Variants in HIVEP3 observed in about 807,000 individuals in gnomAD.
HIVEP3 encodes the protein transcription factor HIVEP3.
HIVEP3 carries 49 observed loss-of-function variants against 152.8 expected under a neutral mutation model. That is an observed-to-expected ratio of 0.32 (90% confidence interval 0.26 to 0.41). The LOEUF is 0.41. Among genes scored for constraint, HIVEP3 ranks in the 10% least tolerant of loss-of-function variants. The pLI is 1.00. For missense variants in HIVEP3, 2,790 were observed against 3,103.3 expected (o/e 0.90, Z 2.40); for synonymous variants, 1,269 against 1,289.0 (o/e 0.98, Z 0.33).
chr1:41,957,255 A>G (rs191954825), intron 1 of HIVEP3, among the ~76,000 whole-genome samples: 1 of 152,338 alleles, frequency 6.6e-6, no homozygotes. Flanking sequence ...TACAAATAAA[A>G]CTTCATTTTA....
intron 5 of HIVEP3, among the ~76,000 whole-genome samples, chr1:41,573,287 C>T (rs1644278324): frequency 6.6e-6 from 1 of 152,186 alleles, no homozygotes; most frequent in South Asian, 2.1e-4. Flanking sequence ...AATGGAAGGT[C>T]AGCATCTCTG....
intron 1 of HIVEP3, among the ~76,000 whole-genome samples, chr1:41,720,184 G>C (rs1368815799): frequency 6.6e-6 from 1 of 152,158 alleles, no homozygotes; most frequent in African/African-American, 2.4e-5. Flanking sequence ...AGAGCAGGCA[G>C]GAAATTCCAT....
intron 1 of HIVEP3, among the ~76,000 whole-genome samples, chr1:41,805,269 G>A (rs549623671): frequency 8.5e-5 from 13 of 152,250 alleles, no homozygotes; most frequent in South Asian, 2.1e-4. Context: ...CCCAGGAGGC[G>A]GAAGTTGCCA....
At chr1:41,841,063 G>C (rs955702449) in intron 1 of HIVEP3, among the ~76,000 whole-genome samples, 13 of 152,152 alleles carry the variant, frequency 8.5e-5, no homozygotes, top group African/African-American at 3.1e-4. Context: ...ATTAGTGGCA[G>C]TATTGGTGCA....
chr1:42,031,927 G>A (rs940616412), intron 1 of HIVEP3, among the ~76,000 whole-genome samples: 1 of 152,084 alleles, frequency 6.6e-6, no homozygotes, highest in African/African-American at 2.4e-5. Flanking sequence ...AAATTATCCT[G>A]TTTTCCAGTC....
At position 41,595,165 on chromosome 1, in the gene HIVEP3, T is replaced by C. The variant is rs140660188; in HGVS notation, c.-521-9847A>G. ...CTTTTCTACTGGCATTTGGGGAAGCTGATGAAATTCCTCCAACTGCCTCCT... is the reference window on the plus strand; with the variant it reads ...CTTTTCTACTGGCATTTGGGGAAGCCGATGAAATTCCTCCAACTGCCTCCT... On this transcript the variant is annotated intron_variant, in intron 3 of 8. Coordinates refer to ENST00000372583, the MANE Select transcript of HIVEP3 (RefSeq NM_024503.5). 4.0e-3 allele frequency among the ~76,000 whole-genome samples: 615 copies of C among 152,346 alleles called. 4 individuals carry two copies. The highest frequency in any genetic ancestry group is 0.014 in the African/African-American group (584 of 41,584).
At chr1:41,909,147 A>G (rs375577962) in intron 1 of HIVEP3, among the ~76,000 whole-genome samples, 4 of 152,298 alleles carry the variant, frequency 2.6e-5, no homozygotes, top group African/African-American at 9.6e-5. Flanking sequence ...AGAGAAAATA[A>G]CTGGCAACCT....
In HIVEP3 at chr1:41,857,983, A is replaced by ATCTCTCTCTCTC. The variant is rs56967197; in HGVS notation, c.-801+60418_-801+60429dup. Reference sequence around the variant, plus strand: ...CTGTGAAATCTCAATCAATCAATCAATCTCTCTCTCTCTCTCTCTCACCAT... The same window carrying ATCTCTCTCTCTC: ...CTGTGAAATCTCAATCAATCAATCAATCTCTCTCTCTCTCTCTCTCTCTCTCTCTCTCACCAT... On this transcript the variant is annotated intron_variant, in intron 1 of 8. Transcript: ENST00000372583. Among the ~76,000 whole-genome samples, 1,342 of 148,444 alleles carry ATCTCTCTCTCTC rather than the reference A, an allele frequency of 9.0e-3. 14 individuals carry two copies. Among genetic ancestry groups the ATCTCTCTCTCTC allele is most frequent in the African/African-American group, 0.019 (752 of 39,962 alleles).
At chr1:41,589,923 T>G (rs1644562177) in intron 3 of HIVEP3, among the ~76,000 whole-genome samples, 1 of 152,230 alleles carries the variant, frequency 6.6e-6, no homozygotes, top group Non-Finnish European at 1.5e-5. Context: ...TCCTATTAAC[T>G]TTAATACCTG....
chr1:41,651,207 C>T (rs6683887), intron 2 of HIVEP3, among the ~76,000 whole-genome samples: 2,054 of 152,034 alleles, frequency 0.014, 43 homozygotes, highest in African/African-American at 0.045. Flanking sequence ...TTTAGGAGTT[C>T]GAGACCAGCC....
At chr1:41,710,966 G>A (rs144722620) in intron 1 of HIVEP3, among the ~76,000 whole-genome samples, 9 of 152,356 alleles carry the variant, frequency 5.9e-5, no homozygotes, top group East Asian at 3.9e-4. Context: ...GCTGAAGACC[G>A]GAGAAATCAA....
At chr1:41,631,541 T>C (rs925642267) in intron 2 of HIVEP3, among the ~76,000 whole-genome samples, 4 of 152,120 alleles carry the variant, frequency 2.6e-5, no homozygotes, top group Non-Finnish European at 5.9e-5. Flanking sequence ...AGAATCACGT[T>C]TGGCAACCAT....
At chr1:41,775,310 T>C (rs1648626702) in intron 1 of HIVEP3, among the ~76,000 whole-genome samples, 1 of 152,206 alleles carries the variant, frequency 6.6e-6, no homozygotes, top group Non-Finnish European at 1.5e-5. Flanking sequence ...TAAATTTGAA[T>C]GGCAATATAC....
At chr1:41,964,485 G>A (rs1368447999) in intron 1 of HIVEP3, among the ~76,000 whole-genome samples, 3 of 152,176 alleles carry the variant, frequency 2.0e-5, no homozygotes, top group African/African-American at 4.8e-5. Context: ...GATGCTCAGT[G>A]GCCACTGGCA....
intron 1 of HIVEP3, among the ~76,000 whole-genome samples, chr1:41,887,393 G>C (rs1557486679): frequency 6.6e-6 from 1 of 152,036 alleles, no homozygotes; most frequent in East Asian, 1.9e-4. Context: ...TTTTCTTAAA[G>C]AGGTCCCCCA....
intron 3 of HIVEP3, among the ~76,000 whole-genome samples, chr1:41,594,717 T>C (rs114333551): frequency 0.01 from 1,578 of 152,350 alleles, 30 homozygotes; most frequent in African/African-American, 0.036. Context: ...TACAGAATTT[T>C]TTTTTGTTTC....
intron 8 of HIVEP3, among the ~76,000 whole-genome samples, 158 bp downstream of exon 8, chr1:41,512,658 T>C (rs776131226): frequency 2.6e-5 from 4 of 152,252 alleles, no homozygotes; most frequent in Non-Finnish European, 5.9e-5. Context: ...GCATGGTGCA[T>C]GGCACAGTAG....
chr1:41,720,156 A>T (rs1646654342), intron 1 of HIVEP3, among the ~76,000 whole-genome samples: 1 of 152,196 alleles, frequency 6.6e-6, no homozygotes, highest in Admixed American at 6.5e-5. Context: ...TCTACATCGC[A>T]GATGCCAAAA....
chr1:41,704,978 C>T (rs1646412344), intron 1 of HIVEP3, among the ~76,000 whole-genome samples: 1 of 152,232 alleles, frequency 6.6e-6, no homozygotes, highest in Non-Finnish European at 1.5e-5. Flanking sequence ...TTTCCCACTG[C>T]TCCTAAGATA....
Sources: gnomAD v4.1 joint callset for allele counts (sites outside exome capture counted in the v4.1 genomes callset) on GRCh38, gnomAD v4.1.1 for gene constraint, MANE v1.5 for transcripts, NCBI Gene and HGNC (gene_info 2026-07-23, HGNC 2026-07-21) for gene names.